The following VCAN variants were observed in gnomAD, a reference collection of about 807,000 sequenced individuals.
The protein encoded by VCAN is versican, also known as versican core protein.
Under a neutral mutation model 245.5 loss-of-function variants are expected in VCAN, and 44 were observed. The observed-to-expected ratio is 0.18, with a 90% CI of 0.14 to 0.23. The LOEUF (loss-of-function observed/expected upper bound fraction) is 0.23. VCAN is among the 10% of genes least tolerant of loss of function. VCAN has a pLI of 1.00. For missense variants in VCAN, 3,793 were observed against 4,057.9 expected (o/e 0.93, Z 1.77); for synonymous variants, 1,413 against 1,437.0 (o/e 0.98, Z 0.38).
intron 7 of VCAN, chr5:83,535,748 C>A (rs113895313): frequency 3.9e-5 from 6 of 152,130 alleles, no homozygotes; most frequent in Admixed American, 2.6e-4. Context: ...GGGTTGGCTC[C>A]GTCATAATGA....
intron 5 of VCAN, among the ~76,000 whole-genome samples, chr5:83,508,551 A>C (rs533204894): frequency 6.6e-5 from 10 of 152,322 alleles, no homozygotes; most frequent in Non-Finnish European, 1.3e-4. Flanking sequence ...TGAGCAAGGA[A>C]ATGTTCACAC....
At chr5:83,542,325 T>C (rs1747038895) in intron 8 of VCAN, 57 bp downstream of exon 8, 2 of 1,536,572 alleles carry the variant, frequency 1.3e-6, no homozygotes, top group African/African-American at 2.7e-5. Context: ...CCCTTGGTGC[T>C]AACGTTTATA....
At chr5:83,509,618 G>A (rs1318749604) in intron 5 of VCAN, among the ~76,000 whole-genome samples, 1 of 152,180 alleles carries the variant, frequency 6.6e-6, no homozygotes, top group East Asian at 1.9e-4. Flanking sequence ...CTTAAGGTAG[G>A]AGTATCTCAG....
At chr5:83,516,041 G>A (rs1745842089) in intron 6 of VCAN, among the ~76,000 whole-genome samples, 1 of 152,152 alleles carries the variant, frequency 6.6e-6, no homozygotes, top group African/African-American at 2.4e-5. Context: ...GACCATCCTG[G>A]CTAACACGGT....
chr5:83,472,219 C>G (rs2112323028), intron 1 of VCAN, among the ~76,000 whole-genome samples, 196 bp downstream of exon 1: 1 of 151,242 alleles, frequency 6.6e-6, no homozygotes, highest in South Asian at 2.1e-4. Context: ...GAGAGGCATA[C>G]AGAGGGACCT....
At chr5:83,529,025 C>CACACACACACACACAT (rs781395307) in intron 7 of VCAN, among the ~76,000 whole-genome samples, 4 of 150,100 alleles carry the variant, frequency 2.7e-5, no homozygotes, top group Non-Finnish European at 5.9e-5. Flanking sequence ...CACACACACA[C>CACACACACACACACAT]ATATATGTAT....
At chr5:83,523,353 TG>T (rs1746173496) in intron 7 of VCAN, among the ~76,000 whole-genome samples, 1 of 152,082 alleles carries the variant, frequency 6.6e-6, no homozygotes. Flanking sequence ...AAGAATTAAA[TG>T]AATGAGTATT....
intron 12 of VCAN, among the ~76,000 whole-genome samples, chr5:83,572,011 A>G (rs1447380478): frequency 6.6e-6 from 1 of 152,172 alleles, no homozygotes; most frequent in Non-Finnish European, 1.5e-5. Context: ...TCACAATTAT[A>G]TAAATTTATA....
At chr5:83,545,421 T>C in intron 8 of VCAN, 116 bp from the exon 9 acceptor site, 1 of 833,746 alleles carries the variant, frequency 1.2e-6, no homozygotes, top group South Asian at 1.3e-5. Flanking sequence ...GTAGTAACTC[T>C]AAATTGCTAT....
At chr5:83,557,870 T>C (rs1049132498) in intron 12 of VCAN, among the ~76,000 whole-genome samples, 15 of 152,138 alleles carry the variant, frequency 9.9e-5, no homozygotes, top group Non-Finnish European at 1.6e-4. Flanking sequence ...GGGCCTCAGT[T>C]TGAAGAAGAC....
At chr5:83,523,343 A>G (rs556117803) in intron 7 of VCAN, among the ~76,000 whole-genome samples, 3 of 152,232 alleles carry the variant, frequency 2.0e-5, no homozygotes, top group South Asian at 4.1e-4. Flanking sequence ...ATTTTCATAT[A>G]AGAATTAAAT....
At position 83,538,288 on chromosome 5, in the gene VCAN, C is replaced by T. The variant is rs757497748; in HGVS notation, c.5285C>T (p.Ala1762Val). The T allele has an allele frequency of 9.3e-6, 15 of 1,614,026 alleles. No homozygotes were observed. The highest frequency in any genetic ancestry group is 1.7e-5 in the Admixed American group (1 of 59,996). ...LPFELESPNV[A>V]TSSDSGTRKS... Reference sequence around the variant, plus strand: ...TTTGAATTAGAAAGTCCAAATGTAGCTACATCTAGTGATTCAGGTACCAGG... The same window carrying T: ...TTTGAATTAGAAAGTCCAAATGTAGTTACATCTAGTGATTCAGGTACCAGG... Residue 1762 changes from alanine (A) to valine (V), a missense_variant, in exon 8 of 15, where the codon GCT becomes GTT. Transcript: ENST00000265077.
chr5:83,549,446 T>C (rs1747373321), intron 10 of VCAN, among the ~76,000 whole-genome samples: 1 of 152,218 alleles, frequency 6.6e-6, no homozygotes, highest in Non-Finnish European at 1.5e-5. Flanking sequence ...AAAAGTGATG[T>C]GTTTAATGTC....
At chr5:83,559,525 C>T (rs1413801679) in intron 12 of VCAN, among the ~76,000 whole-genome samples, 3 of 152,070 alleles carry the variant, frequency 2.0e-5, no homozygotes, top group Non-Finnish European at 2.9e-5. Context: ...CTGTACTGGC[C>T]CTAGTGTTTA....
chr5:83,544,182 C>T (rs1415278346), intron 8 of VCAN, among the ~76,000 whole-genome samples: 21 of 152,208 alleles, frequency 1.4e-4, no homozygotes, highest in Admixed American at 6.5e-5. Context: ...AGCGAGCGTA[C>T]TTGTACTTTA....
rs775271655 is a variant in VCAN at position 83,548,001 on chromosome 5, G to A, written c.9410G>A (p.Arg3137His). Residue 3137 changes from arginine to histidine, a missense_variant, in exon 10 of 15, where the codon CGT (arginine) becomes CAT (histidine). Arg to His is a conservative substitution (Grantham distance 29). This residue lies in a region of VCAN where 205 missense variants were observed against 321.1 expected (regional missense o/e 0.64). Transcript: ENST00000265077. The stretch of plus-strand genomic sequence containing the variant: ...GATGAATGTCACTCTAATCCCTGTC[G>A]TAATGGAGCCACTTGTGTTGATGGT... ...DFDECHSNPC[R>H]NGATCVDGFN... The A allele has an allele frequency of 2.2e-5, 35 of 1,613,828 alleles. No individual in the cohort carries two copies. Among genetic ancestry groups the A allele is most frequent in the African/African-American group, 9.3e-5 (7 of 74,916 alleles).
intron 5 of VCAN, among the ~76,000 whole-genome samples, chr5:83,495,783 T>A (rs1464802796): frequency 2.0e-5 from 3 of 152,194 alleles, no homozygotes; most frequent in Non-Finnish European, 2.9e-5. Flanking sequence ...CTAAAAGATC[T>A]TTACCAAATA....
intron 5 of VCAN, among the ~76,000 whole-genome samples, chr5:83,504,172 C>T (rs1193719670): frequency 6.6e-6 from 1 of 152,120 alleles, no homozygotes; most frequent in Non-Finnish European, 1.5e-5. Flanking sequence ...CAACATGTCT[C>T]CCGTTTCTTC....
Position 83,523,820 on chromosome 5 carries a change from G to A in VCAN, c.4003+1511G>A, listed in dbSNP as rs117110590. Among the ~76,000 whole-genome samples, 292 of 152,020 alleles carry A rather than the reference G, an allele frequency of 1.9e-3. 4 individuals carry two copies. In the East Asian group the frequency reaches 0.032, roughly 17 times the overall value. ...TTTTCCATCTCTCGGAACTGGTGTA[G>A]GAAAAAGAAAATGAATTGCCAGTAA... is the stretch of plus-strand genomic sequence containing the variant. On this transcript the variant is annotated intron_variant, in intron 7 of 14. Coordinates refer to ENST00000265077, the MANE Select transcript of VCAN (RefSeq NM_004385.5).
Sources: gnomAD v4.1 joint callset for allele counts (sites outside exome capture counted in the v4.1 genomes callset) on GRCh38, gnomAD v4.1.1 for gene constraint, gnomAD v4.1.1 regional missense constraint, MANE v1.5 for transcripts, NCBI Gene and HGNC (gene_info 2026-07-23, HGNC 2026-07-21) for gene names.